The following NRG1 variants were observed in gnomAD, a reference collection of about 807,000 sequenced individuals.
The protein encoded by NRG1 is neuregulin 1.
Under a neutral mutation model 63.8 loss-of-function variants are expected in NRG1, and 18 were observed. The observed-to-expected ratio is 0.28, with a 90% CI of 0.19 to 0.42. The LOEUF is 0.42. Among genes scored for constraint, NRG1 ranks in the 10% least tolerant of loss-of-function variants. NRG1 has a pLI of 1.00. For synonymous variants in NRG1, 302 were observed against 301.3 expected (o/e 1.00, Z -0.02); for missense variants, 762 against 814.7 (o/e 0.94, Z 0.79).
At chr8:32,495,831 T>A (rs1827144095) in intron 1 of NRG1, among the ~76,000 whole-genome samples, 2 of 152,168 alleles carry the variant, frequency 1.3e-5, no homozygotes. Flanking sequence ...GAGAACAAAC[T>A]AATACATCAG....
At position 32,666,902 on chromosome 8, in the gene NRG1, A is replaced by G. The variant is rs2128885360; in HGVS notation, c.502+50017A>G. 2.6e-5 allele frequency among the ~76,000 whole-genome samples: 4 copies of G among 152,356 alleles called. No homozygotes were observed. The East Asian group carries it at 7.7e-4, about 29-fold the overall frequency. Reference sequence around the variant, plus strand: ...GTGACTGGCTTATTTCACTTAGCACAGTGCCCTCAAAGTTCACGTGTATTG... The same window carrying G: ...GTGACTGGCTTATTTCACTTAGCACGGTGCCCTCAAAGTTCACGTGTATTG... On this transcript the variant is annotated intron_variant, in intron 5 of 11. Coordinates refer to ENST00000356819, the Ensembl canonical transcript of NRG1.
intron 5 of NRG1, among the ~76,000 whole-genome samples, chr8:32,624,142 A>G (rs1848793481): frequency 6.6e-6 from 1 of 152,244 alleles, no homozygotes. Flanking sequence ...GTCCCAAGTC[A>G]AAGAACAAAT....
chr8:32,247,463 C>T (rs184542117), intron 1 of NRG1, among the ~76,000 whole-genome samples: 37 of 152,202 alleles, frequency 2.4e-4, no homozygotes, highest in African/African-American at 7.9e-4. Context: ...TTCTTTTCAG[C>T]AACTTTCTTT....
At chr8:32,117,724 C>T (rs1413630038) in intron 1 of NRG1, among the ~76,000 whole-genome samples, 1 of 152,006 alleles carries the variant, frequency 6.6e-6, no homozygotes, top group African/African-American at 2.4e-5. Flanking sequence ...TACTCAAATG[C>T]CACACACATA....
intron 1 of NRG1, among the ~76,000 whole-genome samples, chr8:32,499,739 A>C (rs996055044): frequency 1.3e-5 from 2 of 152,200 alleles, no homozygotes; most frequent in Non-Finnish European, 2.9e-5. Context: ...TGAGGATAAC[A>C]GGGGCAGTCT....
At chr8:32,189,639 C>A (rs1033044945) in intron 1 of NRG1, among the ~76,000 whole-genome samples, 5 of 152,128 alleles carry the variant, frequency 3.3e-5, no homozygotes, top group African/African-American at 1.2e-4. Flanking sequence ...CAGGGTGGGG[C>A]TGCCCAAAGA....
chr8:32,761,663 CA>C (rs1321305010), intron 11 of NRG1, among the ~76,000 whole-genome samples: 1 of 151,108 alleles, frequency 6.6e-6, no homozygotes, highest in Non-Finnish European at 1.5e-5. Flanking sequence ...TACATAATGT[CA>C]AATTCATACT....
chr8:32,196,899 T>C (rs2132259385), intron 1 of NRG1, among the ~76,000 whole-genome samples: 1 of 150,814 alleles, frequency 6.6e-6, no homozygotes, highest in African/African-American at 2.4e-5. Context: ...CTAGATTTTA[T>C]GTTTCTAAAG....
intron 1 of NRG1, among the ~76,000 whole-genome samples, chr8:32,204,293 G>C (rs2132320041): frequency 6.6e-6 from 1 of 152,322 alleles, no homozygotes; most frequent in East Asian, 1.9e-4. Flanking sequence ...GTAGAGGAGT[G>C]ACATGATCTG....
intron 1 of NRG1, among the ~76,000 whole-genome samples, chr8:31,771,346 T>C (rs1328160453): frequency 6.6e-6 from 1 of 152,248 alleles, no homozygotes; most frequent in East Asian, 1.9e-4. Context: ...ATTTTATGGA[T>C]GTAACACAGA....
chr8:32,754,066 ATAAT>A (rs1245258250), intron 7 of NRG1, among the ~76,000 whole-genome samples: 2 of 152,178 alleles, frequency 1.3e-5, no homozygotes, highest in Non-Finnish European at 2.9e-5. Context: ...TAGTTATTTT[ATAAT>A]TAATGTTTAT....
chr8:32,298,254 A>T (rs1187437341), intron 1 of NRG1, among the ~76,000 whole-genome samples: 1 of 152,236 alleles, frequency 6.6e-6, no homozygotes, highest in East Asian at 1.9e-4. Flanking sequence ...CAGTTTGGAA[A>T]ATCTATTAAG....
At chr8:31,802,291 C>T (rs1299223920) in intron 1 of NRG1, among the ~76,000 whole-genome samples, 2 of 152,156 alleles carry the variant, frequency 1.3e-5, no homozygotes, top group Non-Finnish European at 2.9e-5. Flanking sequence ...TTACTTCATG[C>T]TACATTCCTT....
chr8:32,268,908 T>A (rs1770794143), intron 1 of NRG1, among the ~76,000 whole-genome samples: 1 of 152,140 alleles, frequency 6.6e-6, no homozygotes, highest in African/African-American at 2.4e-5. Flanking sequence ...TATTAGAACA[T>A]CACTTAAAGA....
chr8:31,806,139 A>G (rs2131746119), intron 1 of NRG1, among the ~76,000 whole-genome samples: 1 of 152,280 alleles, frequency 6.6e-6, no homozygotes, highest in Non-Finnish European at 1.5e-5. Flanking sequence ...AAATTGCCAA[A>G]TCTTGATTAT....
chr8:32,263,289 C>T (rs1372561071), intron 1 of NRG1, among the ~76,000 whole-genome samples: 14 of 152,274 alleles, frequency 9.2e-5, no homozygotes, highest in East Asian at 5.8e-4. Flanking sequence ...CAAGGTTACA[C>T]GGACAGTACC....
At chr8:32,275,314 C>T (rs1201230419) in intron 1 of NRG1, among the ~76,000 whole-genome samples, 1 of 152,000 alleles carries the variant, frequency 6.6e-6, no homozygotes, top group East Asian at 1.9e-4. Context: ...AGCAAAATAA[C>T]ACAAAATGCT....
intron 1 of NRG1, among the ~76,000 whole-genome samples, chr8:31,660,974 A>G (rs755706503): frequency 2.6e-5 from 4 of 152,202 alleles, no homozygotes; most frequent in Non-Finnish European, 5.9e-5. Context: ...CTAAGTATTT[A>G]TAAATTTTTC....
At chr8:31,722,101 G>A (rs1406437987) in intron 1 of NRG1, among the ~76,000 whole-genome samples, 2 of 151,964 alleles carry the variant, frequency 1.3e-5, no homozygotes, top group Non-Finnish European at 1.5e-5. Flanking sequence ...GGGCTTTCAG[G>A]TTGAAGTTCA....
Sources: allele counts gnomAD v4.1 joint callset (sites outside exome capture counted in the v4.1 genomes callset), GRCh38; gene constraint gnomAD v4.1.1; transcripts MANE v1.5; gene names NCBI Gene and HGNC (gene_info 2026-07-23, HGNC 2026-07-21).